Variants in ITGBL1 observed in about 807,000 individuals in gnomAD.
ITGBL1 encodes integrin beta-like protein 1.
In ITGBL1, 51 loss-of-function variants were observed where a neutral mutation model predicts 68.5. The ratio of observed to expected loss-of-function variants is 0.74; its 90% CI spans 0.59 to 0.94. ITGBL1 has a LOEUF of 0.94. Ranked by LOEUF, ITGBL1 falls within the 40% of genes least tolerant of loss-of-function variation. The pLI is 0.00. For missense variants in ITGBL1, 649 were observed against 647.4 expected, an observed-to-expected ratio of 1.00 and a Z score of -0.03; for synonymous variants, 209 against 227.3, an observed-to-expected ratio of 0.92 and a Z score of 0.72.
intron 7 of ITGBL1, among the ~76,000 whole-genome samples, chr13:101,615,859 C>T (rs1350572248): frequency 1.3e-5 from 2 of 152,060 alleles, no homozygotes; most frequent in African/African-American, 2.4e-5. Flanking sequence ...TTGACAATTC[C>T]ACCATGTGAG....
At chr13:101,646,134 C>A (rs1157177898) in intron 7 of ITGBL1, among the ~76,000 whole-genome samples, 1 of 152,170 alleles carries the variant, frequency 6.6e-6, no homozygotes, top group African/African-American at 2.4e-5. Context: ...TTCATTGTTT[C>A]TTTGCATCTG....
chr13:101,576,893 A>T (rs576438802), intron 4 of ITGBL1, among the ~76,000 whole-genome samples: 52 of 151,966 alleles, frequency 3.4e-4, no homozygotes, highest in Non-Finnish European at 6.9e-4. Flanking sequence ...AATTAGACAA[A>T]TCCATCCACA....
In ITGBL1 at chr13:101,453,980, CG is replaced by C; in HGVS notation, c.200del (p.Gly67AlafsTer12). The C allele has an allele frequency of 1.3e-6, 2 of 1,537,816 alleles. No homozygotes were observed. The highest frequency in any genetic ancestry group is 2.4e-5 in the South Asian group (2 of 81,884). The part of the protein sequence containing the change: ...QPPGAALCHG[R>X]GRCDCGVCIC... ...CCCGGGGGCCGCGCTGTGCCACGGC[CG>C]GGGCCGCTGCGACTGCGGCGTCTGC... On this transcript the variant is annotated frameshift_variant, in exon 2 of 11. Transcript: ENST00000376180. LOFTEE classifies it high-confidence loss of function.
intron 2 of ITGBL1, among the ~76,000 whole-genome samples, chr13:101,501,246 T>A (rs1050233667): frequency 3.3e-5 from 5 of 152,202 alleles, no homozygotes; most frequent in African/African-American, 1.2e-4. Flanking sequence ...TTTCCTGATC[T>A]ATCTTTGGTG....
At chr13:101,578,930 A>C (rs973546664) in intron 4 of ITGBL1, among the ~76,000 whole-genome samples, 17 of 152,342 alleles carry the variant, frequency 1.1e-4, no homozygotes, top group African/African-American at 4.1e-4. Context: ...TTAATAACTA[A>C]TTCAAGAAAC....
chr13:101,460,515 G>A (rs956260773), intron 2 of ITGBL1, among the ~76,000 whole-genome samples: 1 of 152,190 alleles, frequency 6.6e-6, no homozygotes, highest in African/African-American at 2.4e-5. Flanking sequence ...TTTTCTTTCT[G>A]AAAGCAAGTG....
At chr13:101,575,363 A>G in intron 3 of ITGBL1, 61 bp from the exon 4 acceptor site, 1 of 1,485,138 alleles carries the variant, frequency 6.7e-7, no homozygotes, top group East Asian at 2.3e-5. Flanking sequence ...TGGTATAAAA[A>G]TTCATTAATT....
intron 2 of ITGBL1, among the ~76,000 whole-genome samples, chr13:101,499,524 G>T (rs149831193): frequency 6.6e-6 from 1 of 152,240 alleles, no homozygotes; most frequent in South Asian, 2.1e-4. Flanking sequence ...CCTTAAGTTC[G>T]TTTCTCCCGA....
At chr13:101,675,932 C>A (rs2033490544) in intron 7 of ITGBL1, among the ~76,000 whole-genome samples, 1 of 152,118 alleles carries the variant, frequency 6.6e-6, no homozygotes, top group African/African-American at 2.4e-5. Context: ...TGTGTCTAGT[C>A]TACCATCGAA....
chr13:101,617,854 T>C (rs1271004593), intron 7 of ITGBL1, among the ~76,000 whole-genome samples: 10 of 152,158 alleles, frequency 6.6e-5, no homozygotes, highest in Admixed American at 6.5e-4. Context: ...ACCCAGAACC[T>C]GAGGAGACAG....
intron 2 of ITGBL1, among the ~76,000 whole-genome samples, chr13:101,517,243 C>G (rs934538081): frequency 6.6e-6 from 1 of 152,102 alleles, no homozygotes; most frequent in African/African-American, 2.4e-5. Flanking sequence ...CCTGCATCAC[C>G]CAGCTCTTAA....
rs761319408 is a variant in ITGBL1, at chr13:101,715,618, T to G, written c.1449T>G (p.Asn483Lys). The change falls in exon 11 of 11, where the codon AAT (asparagine) becomes AAG (lysine). Residue 483 changes from asparagine to lysine, a missense_variant. By Grantham distance (94) the Asn-to-Lys change is moderately conservative. Coordinates refer to ENST00000376180, the MANE Select transcript of ITGBL1 (RefSeq NM_004791.3). ...NCECWDGWNG[N>K]ACEIWLGSEY... ...AATGCTGGGATGGATGGAATGGAAATGCATGTGAAATCTGGCTTGGCTCAG... is the reference window on the plus strand; with the variant it reads ...AATGCTGGGATGGATGGAATGGAAAGGCATGTGAAATCTGGCTTGGCTCAG... 1.2e-6 allele frequency: 2 copies of G among 1,613,400 alleles called. No individual in the cohort carries two copies. The highest frequency in any genetic ancestry group is 1.7e-6 in the Non-Finnish European group (2 of 1,179,476).
chr13:101,600,527 G>C (rs1299286629), intron 7 of ITGBL1, among the ~76,000 whole-genome samples: 1 of 152,048 alleles, frequency 6.6e-6, no homozygotes, highest in Non-Finnish European at 1.5e-5. Flanking sequence ...GTTTTCAAAG[G>C]GAATGCTTCC....
intron 2 of ITGBL1, among the ~76,000 whole-genome samples, chr13:101,532,183 G>C (rs1281295422): frequency 6.6e-6 from 1 of 152,020 alleles, no homozygotes; most frequent in African/African-American, 2.4e-5. Context: ...TTAATCATAT[G>C]GTTGCTGTTG....
chr13:101,687,949 G>C (rs1164164097), intron 7 of ITGBL1, among the ~76,000 whole-genome samples: 1 of 151,972 alleles, frequency 6.6e-6, no homozygotes. Context: ...TAGAAAGGCA[G>C]ATTTCCATTT....
chr13:101,626,682 A>G (rs2031790186), intron 7 of ITGBL1, among the ~76,000 whole-genome samples: 1 of 152,224 alleles, frequency 6.6e-6, no homozygotes, highest in African/African-American at 2.4e-5. Flanking sequence ...CCAGCTGCAC[A>G]CATTATTATT....
chr13:101,667,652 A>G (rs774712693), intron 7 of ITGBL1, among the ~76,000 whole-genome samples: 2 of 152,176 alleles, frequency 1.3e-5, no homozygotes, highest in Admixed American at 6.5e-5. Flanking sequence ...CTGAATTTAG[A>G]TTCAATTGTC....
intron 7 of ITGBL1, among the ~76,000 whole-genome samples, chr13:101,635,545 TAG>T (rs565086877): frequency 6.6e-4 from 101 of 152,190 alleles, no homozygotes; most frequent in African/African-American, 2.2e-3. Flanking sequence ...TATTTGCTCG[TAG>T]AGTCAAGAAA....
Position 101,456,733 on chromosome 13 carries a change from G to A in ITGBL1, c.316+2633G>A, listed in dbSNP as rs565598062. The stretch of plus-strand genomic sequence containing the variant: ...ATTCAAGACTAGCCTGGAGAACATG[G>A]TGAAACACCATCCCTACTAAAAAAC... On this transcript the variant is annotated intron_variant, in intron 2 of 10. Transcript: ENST00000376180. 2.6e-5 allele frequency among the ~76,000 whole-genome samples: 4 copies of A among 152,270 alleles called. No homozygotes were observed. In the East Asian group the frequency reaches 7.7e-4, roughly 29 times the overall value.
Sources: gnomAD v4.1 joint callset for allele counts (sites outside exome capture counted in the v4.1 genomes callset) on GRCh38, gnomAD v4.1.1 for gene constraint, MANE v1.5 for transcripts, NCBI Gene and HGNC (gene_info 2026-07-23, HGNC 2026-07-21) for gene names.